The following CPNE4 variants were observed in gnomAD, a reference collection of about 807,000 sequenced individuals.
CPNE4 encodes the protein copine 4.
In CPNE4, 25 loss-of-function variants were observed where a neutral mutation model predicts 67.9. That is an observed-to-expected ratio of 0.37 (90% CI 0.27 to 0.51). The LOEUF (loss-of-function observed/expected upper bound fraction) is 0.51, where lower values mean the gene tolerates loss of function less well. CPNE4 is among the 20% of genes least tolerant of loss of function. CPNE4 has a pLI of 0.93. For missense variants in CPNE4, 464 were observed against 690.8 expected (o/e 0.67, Z 3.68); for synonymous variants, 242 against 244.9 (o/e 0.99, Z 0.11).
chr3:131,802,707 A>G (rs1462351952), intron 2 of CPNE4, among the ~76,000 whole-genome samples: 1 of 152,188 alleles, frequency 6.6e-6, no homozygotes, highest in Non-Finnish European at 1.5e-5. Context: ...AAAGCACAAA[A>G]TGTTCACGGA....
At position 131,635,895 on chromosome 3, in the gene CPNE4, A is replaced by C. The variant is rs1053459140; in HGVS notation, c.681+33780T>G. ...AGGAGATCGAGACCATCCCGGCTAA[A>C]ACGGTGAAACCCCGTCTCTACTAAA... is the stretch of plus-strand genomic sequence containing the variant. On this transcript the variant is annotated intron_variant, in intron 7 of 15. Transcript: ENST00000429747. Among the ~76,000 whole-genome samples the C allele has an allele frequency of 5.8e-5, 5 of 86,412 alleles. 2 individuals carry two copies. The South Asian group carries it at 1.3e-3, about 22-fold the overall frequency. 56.7% of individuals were successfully genotyped at this position (86,412 alleles called of 152,430 possible).
intron 2 of CPNE4, among the ~76,000 whole-genome samples, chr3:131,746,456 A>G (rs977490453): frequency 2.0e-5 from 3 of 152,070 alleles, no homozygotes; most frequent in African/African-American, 7.2e-5. Context: ...TCTGGTAGCT[A>G]CAATTCTACT....
chr3:132,030,565 G>A (rs1236629759), intron 1 of CPNE4, among the ~76,000 whole-genome samples: 1 of 152,152 alleles, frequency 6.6e-6, no homozygotes, highest in African/African-American at 2.4e-5. Context: ...CCCAAAGAAG[G>A]CATCCTTATC....
chr3:131,552,582 C>G, intron 12 of CPNE4, 91 bp from the exon 13 acceptor site: 1 of 968,956 alleles, frequency 1.0e-6, no homozygotes, highest in Non-Finnish European at 1.6e-6. Context: ...AGTTTGCAAA[C>G]AAATGCCCAT....
chr3:131,905,898 T>C (rs904537183), intron 1 of CPNE4, among the ~76,000 whole-genome samples: 1 of 152,174 alleles, frequency 6.6e-6, no homozygotes, highest in Non-Finnish European at 1.5e-5. Context: ...TATATTGTTC[T>C]TTCTGAAGAA....
Position 131,951,642 on chromosome 3 carries a change from C to T in CPNE4, c.-1-46198G>A, listed in dbSNP as rs867868205. On this transcript the variant is annotated intron_variant, in intron 1 of 15. Transcript: ENST00000429747. ...AAGCTGGACTGTACTGCTGCCATCT[C>T]GGCTCACTGCAACCTCCCTGCCTGA... Among the ~76,000 whole-genome samples the T allele has an allele frequency of 2.9e-3, 435 of 152,044 alleles. 1 individual carries two copies. The highest frequency in any genetic ancestry group is 0.01 in the African/African-American group (420 of 41,438).
At chr3:131,726,058 TG>T (rs1266333832) in intron 2 of CPNE4, among the ~76,000 whole-genome samples, 1 of 152,220 alleles carries the variant, frequency 6.6e-6, no homozygotes, top group Non-Finnish European at 1.5e-5. Flanking sequence ...AAGTATGCTG[TG>T]GGTGCATTTG....
At chr3:131,803,229 T>C (rs918978351) in intron 2 of CPNE4, among the ~76,000 whole-genome samples, 5 of 152,210 alleles carry the variant, frequency 3.3e-5, no homozygotes, top group Non-Finnish European at 7.4e-5. Context: ...TGAGTATGGT[T>C]ATGATTGCAC....
chr3:132,016,930 G>A (rs933427780), intron 1 of CPNE4, among the ~76,000 whole-genome samples: 1 of 152,160 alleles, frequency 6.6e-6, no homozygotes, highest in East Asian at 1.9e-4. Context: ...ACCTTCCTCA[G>A]AGTGAAGTCC....
At chr3:131,928,690 T>C (rs1358612373) in intron 1 of CPNE4, among the ~76,000 whole-genome samples, 1 of 152,196 alleles carries the variant, frequency 6.6e-6, no homozygotes. Context: ...TGGCCATGCT[T>C]GTTAGAGCAA....
intron 2 of CPNE4, among the ~76,000 whole-genome samples, chr3:131,743,514 C>A (rs2107783089): frequency 6.6e-6 from 1 of 152,138 alleles, no homozygotes. Context: ...TGTGAAAATT[C>A]TAAATAAAAC....
intron 11 of CPNE4, among the ~76,000 whole-genome samples, chr3:131,559,922 A>T (rs1207583285): frequency 6.6e-6 from 1 of 152,078 alleles, no homozygotes; most frequent in Non-Finnish European, 1.5e-5. Flanking sequence ...TTCATTCTTT[A>T]TCACTATATA....
At position 131,715,493 on chromosome 3, in the gene CPNE4, G is replaced by A. The variant is rs542633612; in HGVS notation, c.360+7953C>T. 8.5e-5 allele frequency among the ~76,000 whole-genome samples: 13 copies of A among 152,310 alleles called. 1 individual carries two copies. The highest frequency in any genetic ancestry group is 4.1e-4 in the South Asian group (2 of 4,826). ...ACAGGGCTTTGGAGCTAAAGAGATC[G>A]ACAACTTGCTGTGTGACCTTGGATA... On this transcript the variant is annotated intron_variant, in intron 3 of 15. Coordinates refer to ENST00000429747, the MANE Select transcript of CPNE4 (RefSeq NM_130808.3).
chr3:131,688,548 T>A (rs866314216), intron 5 of CPNE4, among the ~76,000 whole-genome samples: 2 of 152,224 alleles, frequency 1.3e-5, no homozygotes, highest in South Asian at 4.1e-4. Context: ...AGCTTGTTCC[T>A]ACGTGCCCTT....
At chr3:131,554,972 A>G (rs772868115) in intron 12 of CPNE4, among the ~76,000 whole-genome samples, 1 of 152,078 alleles carries the variant, frequency 6.6e-6, no homozygotes, top group Non-Finnish European at 1.5e-5. Context: ...ATCATTATCA[A>G]AACCAAATAG....
chr3:131,569,951 T>C (rs1029268437), intron 10 of CPNE4, among the ~76,000 whole-genome samples: 28 of 152,024 alleles, frequency 1.8e-4, no homozygotes, highest in African/African-American at 6.8e-4. Context: ...AGTCATATTT[T>C]ATTTTTCTTT....
At chr3:131,738,649 G>T (rs2107774441) in intron 2 of CPNE4, among the ~76,000 whole-genome samples, 1 of 151,874 alleles carries the variant, frequency 6.6e-6, no homozygotes, top group East Asian at 1.9e-4. Flanking sequence ...TTGTTTGTTT[G>T]TTTTTTTCTG....
intron 1 of CPNE4, among the ~76,000 whole-genome samples, chr3:131,925,867 T>C (rs2070879748): frequency 6.6e-6 from 1 of 152,104 alleles, no homozygotes; most frequent in Non-Finnish European, 1.5e-5. Context: ...AGTCACCATA[T>C]TATCCTGCAT....
intron 2 of CPNE4, among the ~76,000 whole-genome samples, chr3:131,799,282 A>G (rs1403137594): frequency 1.3e-5 from 2 of 152,152 alleles, no homozygotes; most frequent in African/African-American, 4.8e-5. Flanking sequence ...ATTAAGACCA[A>G]GGCAAGGAAC....
Sources: gnomAD v4.1 joint callset for allele counts (sites outside exome capture counted in the v4.1 genomes callset) on GRCh38, gnomAD v4.1.1 for gene constraint, MANE v1.5 for transcripts, NCBI Gene and HGNC (gene_info 2026-07-23, HGNC 2026-07-21) for gene names.